The following YWHAH variants were observed in gnomAD, a reference collection of about 807,000 sequenced individuals.
YWHAH encodes 14-3-3 protein eta.
Under a neutral mutation model 22.9 loss-of-function variants are expected in YWHAH, and 6 were observed. That is an observed-to-expected ratio of 0.26 (90% CI 0.14 to 0.52). The LOEUF (loss-of-function observed/expected upper bound fraction) is 0.52, where lower values mean the gene tolerates loss of function less well. Among genes scored for constraint, YWHAH ranks in the 20% least tolerant of loss-of-function variants. YWHAH has a pLI of 0.97. For missense variants in YWHAH, 173 were observed against 308.6 expected (o/e 0.56, Z 3.29); for synonymous variants, 135 against 124.5 (o/e 1.08, Z -0.56).
chr22:31,956,079 G>A lies in YWHAH; in HGVS notation c.88-60G>A. 1 of 1,527,660 alleles carries A rather than the reference G, an allele frequency of 6.5e-7. No individual in the cohort carries two copies. Among genetic ancestry groups the A allele is most frequent in the Non-Finnish European group, 8.8e-7 (1 of 1,138,192 alleles). 94.6% of individuals were successfully genotyped at this position (1,527,660 alleles called of 1,614,324 possible). A position where few individuals can be genotyped will look rare whatever the true frequency, so the allele number is the denominator to read the frequency against. ...GGATTGTTGATTATGTTGAAGGGAA[G>A]GCTTCTTACCAAGATTTTCAGATTT... On this transcript the variant is annotated intron_variant, in intron 1 of 1. Transcript: ENST00000248975. This position sits in a 1 kb window ranked among gnomAD's most constrained non-coding sequence, Gnocchi z 5.1.
intron 1 of YWHAH, among the ~76,000 whole-genome samples, chr22:31,949,513 TG>T (rs779453825): frequency 1.1e-3 from 171 of 148,828 alleles, no homozygotes; most frequent in Admixed American, 3.3e-3. Context: ...TTTTTTTTGG[TG>T]GGGGGGGGAG....
chr22:31,956,143 CAG>C lies in YWHAH; in HGVS notation c.95_96del (p.Glu32AlafsTer3). 2 of 1,594,322 alleles carry C rather than the reference CAG, an allele frequency of 1.3e-6. No homozygotes were observed. The highest frequency in any genetic ancestry group is 2.2e-5 in the East Asian group (1 of 44,646). The stretch of plus-strand genomic sequence containing the variant: ...TATCTTTTTGGGGTTTTGCAGGTGA[CAG>C]AGCTGAATGAACCTCTCTCCAATGA... On this transcript the variant is annotated frameshift_variant, in exon 2 of 2. Coordinates refer to ENST00000248975, the MANE Select transcript of YWHAH (RefSeq NM_003405.4). LOFTEE classifies it high-confidence loss of function. The surrounding 1 kb of genome is among the most constrained non-coding windows in gnomAD (Gnocchi z 5.1).
rs769313403 is a variant in YWHAH at position 31,957,274 on chromosome 22, C to A, written c.*482C>A. The stretch of plus-strand genomic sequence containing the variant: ...GCTGATACAGAGAGACAACTTGCTC[C>A]TTTCCATCAGCTTTATAATAAACTG... On this transcript the variant is annotated 3_prime_UTR_variant, in exon 2 of 2. Transcript: ENST00000248975. 3 of 155,520 alleles carry A rather than the reference C, an allele frequency of 1.9e-5. No homozygotes were observed. The highest frequency in any genetic ancestry group is 7.2e-5 in the African/African-American group (3 of 41,458). 9.6% of individuals were successfully genotyped at this position (155,520 alleles called of 1,614,324 possible).
chr22:31,945,761 C>T, intron 1 of YWHAH: 4 of 1,083,172 alleles, frequency 3.7e-6, no homozygotes, highest in Non-Finnish European at 4.8e-6. Flanking sequence ...CAGTGTACAA[C>T]CTCCTGAGAC....
chr22:31,946,203 T>C (rs1340813209), intron 1 of YWHAH, among the ~76,000 whole-genome samples: 2 of 152,208 alleles, frequency 1.3e-5, no homozygotes, highest in Non-Finnish European at 2.9e-5. Flanking sequence ...TTGAGCACTA[T>C]TAGCATGCTG....
chr22:31,950,381 C>G, intron 1 of YWHAH: 1 of 779,510 alleles, frequency 1.3e-6, no homozygotes. Flanking sequence ...GGTGCTCCTC[C>G]CGCCCCTACT....
intron 1 of YWHAH, chr22:31,945,519 C>T (rs1366367189): frequency 7.7e-7 from 1 of 1,304,018 alleles, no homozygotes; most frequent in African/African-American, 1.5e-5. Context: ...ATCTGTGTGT[C>T]TTTGCATTCC....
In YWHAH at chr22:31,957,013, G is replaced by A; in HGVS notation, c.*221G>A. On this transcript the variant is annotated 3_prime_UTR_variant, in exon 2 of 2. Transcript: ENST00000248975. ...CCCACAGGAGCTCCCTTTTTGAATT[G>A]TGTGGAGAAGTGTGTTCTGATGAGG... 3.7e-6 allele frequency: 2 copies of A among 547,038 alleles called. No individual in the cohort carries two copies. Among genetic ancestry groups the A allele is most frequent in the Non-Finnish European group, 6.3e-6 (2 of 318,108 alleles). 33.9% of individuals were successfully genotyped at this position (547,038 alleles called of 1,614,324 possible).
At chr22:31,948,079 T>A (rs565546704) in intron 1 of YWHAH, among the ~76,000 whole-genome samples, 20 of 152,312 alleles carry the variant, frequency 1.3e-4, no homozygotes, top group South Asian at 1.2e-3. Context: ...CTTTTTTTTT[T>A]AATCAGTGTT....
chr22:31,945,087 C>T (rs556838403), intron 1 of YWHAH: 4 of 1,091,640 alleles, frequency 3.7e-6, no homozygotes, highest in African/African-American at 3.3e-5. Flanking sequence ...CGGTCGGGGT[C>T]GCCACATCTT....
intron 1 of YWHAH, among the ~76,000 whole-genome samples, chr22:31,949,661 GTACA>G (rs1440924943): frequency 2.0e-5 from 3 of 152,098 alleles, no homozygotes; most frequent in African/African-American, 7.2e-5. Context: ...CCTTCCATGT[GTACA>G]TTCTTGTTTA....
chr22:31,955,180 T>C (rs2093848017), intron 1 of YWHAH, among the ~76,000 whole-genome samples: 1 of 152,212 alleles, frequency 6.6e-6, no homozygotes, highest in Non-Finnish European at 1.5e-5. Context: ...CACTTATGAA[T>C]TGTTCTTCAT....
At chr22:31,945,537 C>T in intron 1 of YWHAH, 1 of 1,304,158 alleles carries the variant, frequency 7.7e-7, no homozygotes, top group South Asian at 1.2e-5. Flanking sequence ...TCCTGAGACC[C>T]TCATAAATCG....
In YWHAH at chr22:31,956,493, G is replaced by A. The variant is rs773143527; in HGVS notation, c.442G>A (p.Glu148Lys). ...ASGEKKNSVV[E>K]ASEAAYKEAF... The stretch of plus-strand genomic sequence containing the variant: ...TGGGGAGAAGAAAAACAGTGTGGTC[G>A]AAGCTTCTGAAGCTGCCTACAAGGA... Residue 148 changes from glutamate to lysine, a missense_variant, in exon 2 of 2, where the codon GAA becomes AAA. Coordinates refer to ENST00000248975, the MANE Select transcript of YWHAH (RefSeq NM_003405.4). The surrounding 1 kb of genome is among the most constrained non-coding windows in gnomAD (Gnocchi z 5.1). The A allele has an allele frequency of 1.2e-5, 19 of 1,614,160 alleles. No homozygotes were observed. The highest frequency in any genetic ancestry group is 1.5e-5 in the Non-Finnish European group (18 of 1,180,038).
intron 1 of YWHAH, 143 bp from the exon 2 acceptor site, chr22:31,955,996 C>A: frequency 1.1e-6 from 1 of 873,870 alleles, no homozygotes; most frequent in African/African-American, 1.7e-5. Context: ...TGGTTTTATC[C>A]ATGGGTGGTT....
At position 31,956,906 on chromosome 22, in the gene YWHAH, G is replaced by A. The variant is rs958246442; in HGVS notation, c.*114G>A. The stretch of plus-strand genomic sequence containing the variant: ...TAAACCTATCTGTATTGGCAGCACA[G>A]CTACTCAGATCTGCACTCCTGTCTC... On this transcript the variant is annotated 3_prime_UTR_variant, in exon 2 of 2. Transcript: ENST00000248975. The surrounding 1 kb of genome is among the most constrained non-coding windows in gnomAD (Gnocchi z 5.1). 5 of 1,302,166 alleles carry A rather than the reference G, an allele frequency of 3.8e-6. No homozygotes were observed. Among genetic ancestry groups the A allele is most frequent in the Non-Finnish European group, 5.1e-6 (5 of 972,054 alleles). The allele number at this position is 1,302,166 out of a possible 1,614,324, so 80.7% of individuals were successfully genotyped here.
intron 1 of YWHAH, among the ~76,000 whole-genome samples, chr22:31,949,824 A>G (rs1211774343): frequency 6.6e-6 from 1 of 152,220 alleles, no homozygotes; most frequent in Non-Finnish European, 1.5e-5. Flanking sequence ...ACAATGCCCC[A>G]TGAGGCAAAG....
rs969945537 is a variant in YWHAH at position 31,957,487 on chromosome 22, G to C, written c.*695G>C. Reference sequence around the variant, plus strand: ...TTTGGCTATTGTCCTTGTGTATCCTGACAGCGCCATGTGTGTCAGCCCATG... The same window carrying C: ...TTTGGCTATTGTCCTTGTGTATCCTCACAGCGCCATGTGTGTCAGCCCATG... On this transcript the variant is annotated 3_prime_UTR_variant, in exon 2 of 2. Coordinates refer to ENST00000248975, the MANE Select transcript of YWHAH (RefSeq NM_003405.4). 2 of 151,326 alleles carry C rather than the reference G, an allele frequency of 1.3e-5. No homozygotes were observed. Among genetic ancestry groups the C allele is most frequent in the Non-Finnish European group, 2.9e-5 (2 of 67,894 alleles). 9.4% of individuals were successfully genotyped at this position (151,326 alleles called of 1,614,324 possible).
chr22:31,945,042 G>A, intron 1 of YWHAH: 2 of 1,117,436 alleles, frequency 1.8e-6, no homozygotes, highest in Non-Finnish European at 2.2e-6. Context: ...GGTGCAGTTC[G>A]GGATCGCGAA....
Sources: gnomAD v4.1 joint callset for allele counts (sites outside exome capture counted in the v4.1 genomes callset) on GRCh38, gnomAD v4.1.1 for gene constraint, Gnocchi (gnomAD v3.1) non-coding constraint, MANE v1.5 for transcripts, NCBI Gene and HGNC (gene_info 2026-07-23, HGNC 2026-07-21) for gene names.